Variants in PLAAT5 observed in about 807,000 individuals in gnomAD.
PLAAT5 encodes phospholipase A and acyltransferase 5, also known as Ca(2+)-independent N-acyltransferase.
A neutral mutation model predicts 27.8 loss-of-function variants in PLAAT5; 27 were observed. The observed-to-expected ratio is 0.97, with a 90% CI of 0.72 to 1.34. The LOEUF is 1.34. Ranked by LOEUF, PLAAT5 falls within the 40% of genes most tolerant of loss-of-function variation. The pLI is 0.00. For synonymous variants in PLAAT5, 125 were observed against 136.1 expected (o/e 0.92, Z 0.57); for missense variants, 368 against 343.8 (o/e 1.07, Z -0.56).
intron 3 of PLAAT5, among the ~76,000 whole-genome samples, chr11:63,475,227 C>T (rs1353618969): frequency 6.6e-6 from 1 of 152,024 alleles, no homozygotes; most frequent in Admixed American, 6.5e-5. Context: ...GTTCTATCCA[C>T]TATTGAGAGT....
intron 5 of PLAAT5, among the ~76,000 whole-genome samples, chr11:63,465,573 T>C (rs1174397394): frequency 6.6e-6 from 1 of 151,758 alleles, no homozygotes; most frequent in Non-Finnish European, 1.5e-5. Context: ...GGAGGATCAC[T>C]TGAGCCCAGG....
At chr11:63,470,089 CAA>C (rs111365403) in intron 3 of PLAAT5, 7 of 139,530 alleles carry the variant, frequency 5.0e-5, no homozygotes, top group Admixed American at 7.3e-5. Flanking sequence ...ACTCCCATCT[CAA>C]AAAAAAAAAA....
At position 63,463,194 on chromosome 11, in the gene PLAAT5, A is replaced by T. The variant is rs1201794837; in HGVS notation, c.*309T>A. Reference sequence around the variant, plus strand: ...CACTCAAGCATCGGAGACCAAGGTCAGCCTAAGACACAAGCAAGGTCCCAT... The same window carrying T: ...CACTCAAGCATCGGAGACCAAGGTCTGCCTAAGACACAAGCAAGGTCCCAT... On this transcript the variant is annotated 3_prime_UTR_variant, in exon 6 of 6. Coordinates refer to ENST00000540857, the MANE Select transcript of PLAAT5 (RefSeq NM_001146729.2). The T allele has an allele frequency of 1.7e-5, 5 of 285,724 alleles. No individual in the cohort carries two copies. Among genetic ancestry groups the T allele is most frequent in the Non-Finnish European group, 2.6e-5 (4 of 153,782 alleles). 17.7% of individuals were successfully genotyped at this position (285,724 alleles called of 1,614,324 possible). A position where few individuals can be genotyped will look rare whatever the true frequency, so the allele number is the denominator to read the frequency against.
intron 3 of PLAAT5, among the ~76,000 whole-genome samples, chr11:63,471,821 T>A (rs189802618): frequency 5.9e-5 from 9 of 152,280 alleles, no homozygotes; most frequent in Admixed American, 5.9e-4. Context: ...TAAAAAACAT[T>A]AATAGGCTGG....
chr11:63,480,599 A>C (rs1398417076), intron 3 of PLAAT5, among the ~76,000 whole-genome samples: 1 of 152,190 alleles, frequency 6.6e-6, no homozygotes, highest in East Asian at 1.9e-4. Context: ...CCTTGGTTAC[A>C]AATTGAAATC....
chr11:63,466,488 G>A lies in PLAAT5; in HGVS notation c.455-116C>T, dbSNP rs1479383424. 3.8e-6 allele frequency: 4 copies of A among 1,039,668 alleles called. No individual in the cohort carries two copies. In the African/African-American group the frequency reaches 6.5e-5, roughly 17 times the overall value. 64.4% of individuals were successfully genotyped at this position (1,039,668 alleles called of 1,614,324 possible). ...AGTCTCATTGGCACCATCAGTAGAA[G>A]GGTGGCAGAAGAGGGGAAGTTGGAA... is the stretch of plus-strand genomic sequence containing the variant. On this transcript the variant is annotated intron_variant, in intron 4 of 5. Transcript: ENST00000540857.
intron 3 of PLAAT5, among the ~76,000 whole-genome samples, chr11:63,484,673 C>T (rs1445811170): frequency 1.3e-5 from 2 of 152,186 alleles, no homozygotes; most frequent in Middle Eastern, 3.4e-3. Flanking sequence ...TACGACAAAC[C>T]CACAGCCAAC....
chr11:63,484,278 C>T (rs2120329058), intron 3 of PLAAT5, among the ~76,000 whole-genome samples: 1 of 151,672 alleles, frequency 6.6e-6, no homozygotes, highest in South Asian at 2.1e-4. Flanking sequence ...GGGAATGCTC[C>T]CTAAATCCTT....
chr11:63,465,069 G>A (rs772797786), intron 5 of PLAAT5, among the ~76,000 whole-genome samples: 3 of 152,128 alleles, frequency 2.0e-5, no homozygotes, highest in Non-Finnish European at 4.4e-5. Flanking sequence ...CCTGAGGTCA[G>A]GCATTCAAGA....
chr11:63,481,093 T>C (rs1226140913), intron 3 of PLAAT5, among the ~76,000 whole-genome samples: 1 of 152,244 alleles, frequency 6.6e-6, no homozygotes, highest in East Asian at 1.9e-4. Context: ...TCTTAAAAAA[T>C]TGCTTTAACT....
At chr11:63,470,648 T>C (rs1035713339) in intron 3 of PLAAT5, 5 of 153,082 alleles carry the variant, frequency 3.3e-5, no homozygotes, top group Non-Finnish European at 5.9e-5. Context: ...AGATAATTCA[T>C]ACTAAAGAAA....
At chr11:63,489,883 AATC>A (rs1219013203) in intron 2 of PLAAT5, among the ~76,000 whole-genome samples, 1 of 152,246 alleles carries the variant, frequency 6.6e-6, no homozygotes, top group Non-Finnish European at 1.5e-5. Context: ...TTAAAGCAGC[AATC>A]ATCATGTTGT....
At chr11:63,467,717 C>G (rs1590606332) in intron 4 of PLAAT5, among the ~76,000 whole-genome samples, 2 of 152,102 alleles carry the variant, frequency 1.3e-5, no homozygotes. Context: ...TTCTAGATAC[C>G]CAATTTTAAG....
intron 3 of PLAAT5, among the ~76,000 whole-genome samples, chr11:63,478,257 T>A (rs2016198183): frequency 6.6e-6 from 1 of 151,902 alleles, no homozygotes; most frequent in South Asian, 2.1e-4. Flanking sequence ...ACCGCAGAGC[T>A]GGAGGTGAAG....
At position 63,483,801 on chromosome 11, in the gene PLAAT5, GTATATATATATATATATATATATATATA is replaced by G. The variant is rs71039646; in HGVS notation, c.345+5042_345+5069del. ...AAAAAAAAAATATATATATATATAT[GTATATATATATATATATATATATATATA>G]TATATATATATATACACATATATAT... On this transcript the variant is annotated intron_variant, in intron 3 of 5. Coordinates refer to ENST00000540857, the MANE Select transcript of PLAAT5 (RefSeq NM_001146729.2). Among the ~76,000 whole-genome samples, 118 of 24,156 alleles carry G rather than the reference GTATATATATATATATATATATATATATA, an allele frequency of 4.9e-3. 1 individual carries two copies. The Middle Eastern group carries it at 0.14, about 28-fold the overall frequency. The allele number at this position is 24,156 out of a possible 152,430, so 15.8% of individuals were successfully genotyped here. A position where few individuals can be genotyped will look rare whatever the true frequency, so the allele number is the denominator to read the frequency against.
At position 63,466,306 on chromosome 11, in the gene PLAAT5, C is replaced by A; in HGVS notation, c.521G>T (p.Arg174Leu). Reference protein sequence around the residue: ...FSNRAVVKYSRLEDVLHGCSW... With the variant: ...FSNRAVVKYSLLEDVLHGCSW... Reference sequence around the variant, plus strand: ...GCAGCCATGCAGCACATCCTCCAGACGACTGTATTTCACCACGGCCCGATT... The same window carrying A: ...GCAGCCATGCAGCACATCCTCCAGAAGACTGTATTTCACCACGGCCCGATT... The change falls in exon 5 of 6, where the codon CGT (arginine) becomes CTT (leucine). Residue 174 changes from arginine to leucine, a missense_variant. Physicochemically the swap from Arg to Leu is moderately radical, Grantham distance 102. Coordinates refer to ENST00000540857, the MANE Select transcript of PLAAT5 (RefSeq NM_001146729.2). The A allele has an allele frequency of 6.2e-7, 1 of 1,614,158 alleles. No homozygotes were observed. Among genetic ancestry groups the A allele is most frequent in the Non-Finnish European group, 8.5e-7 (1 of 1,180,028 alleles).
Position 63,466,133 on chromosome 11 carries a change from A to C in PLAAT5, c.694T>G (p.Tyr232Asp). ...ACCTGCTGGCTCCGGGGTACGCCAT[A>C]TCTGAGGCCATTGACAAAGTGCTCA... ...NCEHFVNGLR[Y>D]GVPRSQQVEH... Residue 232 changes from tyrosine to aspartate, a missense_variant, in exon 5 of 6, where the codon TAT becomes GAT. By Grantham distance (160) the Tyr-to-Asp change is radical (BLOSUM62 -3). Transcript: ENST00000540857. 2 of 1,614,154 alleles carry C rather than the reference A, an allele frequency of 1.2e-6. No individual in the cohort carries two copies. The highest frequency in any genetic ancestry group is 2.2e-5 in the South Asian group (2 of 91,074).
intron 3 of PLAAT5, among the ~76,000 whole-genome samples, chr11:63,475,996 C>G (rs530151163): frequency 5.9e-5 from 9 of 151,992 alleles, no homozygotes; most frequent in African/African-American, 1.9e-4. Context: ...AAATTTTTGT[C>G]TTTTAAATTA....
intron 3 of PLAAT5, among the ~76,000 whole-genome samples, chr11:63,484,548 G>A (rs2016389137): frequency 6.6e-6 from 1 of 152,038 alleles, no homozygotes; most frequent in Non-Finnish European, 1.5e-5. Flanking sequence ...AAAATCACAT[G>A]ATTATCTCAA....
Sources: gnomAD v4.1 joint callset for allele counts (sites outside exome capture counted in the v4.1 genomes callset) on GRCh38, gnomAD v4.1.1 for gene constraint, MANE v1.5 for transcripts, NCBI Gene and HGNC (gene_info 2026-07-23, HGNC 2026-07-21) for gene names.